The following PDE4D variants were observed in gnomAD, a reference collection of about 807,000 sequenced individuals.
PDE4D encodes the protein phosphodiesterase 4D.
Under a neutral mutation model 87.4 loss-of-function variants are expected in PDE4D, and 24 were observed. That is an observed-to-expected ratio of 0.27 (90% CI 0.20 to 0.39). The LOEUF (loss-of-function observed/expected upper bound fraction) is 0.39. Among genes scored for constraint, PDE4D ranks in the 10% least tolerant of loss-of-function variants. The probability of loss-of-function intolerance (pLI) is 1.00; values close to 1 mark genes in which losing one functional copy is unlikely to be tolerated. For missense variants in PDE4D, 714 were observed against 1,041.0 expected (o/e 0.69, Z 4.32); for synonymous variants, 384 against 383.2 (o/e 1.00, Z -0.02).
intron 1 of PDE4D, among the ~76,000 whole-genome samples, chr5:59,872,457 C>T (rs2152738571): frequency 6.6e-6 from 1 of 152,290 alleles, no homozygotes; most frequent in African/African-American, 2.4e-5. Flanking sequence ...TTTTTTCCAA[C>T]TTTTTATTGT....
chr5:59,549,220 T>C (rs1817733417), intron 1 of PDE4D, among the ~76,000 whole-genome samples: 1 of 152,190 alleles, frequency 6.6e-6, no homozygotes. Flanking sequence ...AAGCTACTTT[T>C]TCTACCATTG....
chr5:60,071,628 C>A (rs1009652595), intron 2 of PDE4D, among the ~76,000 whole-genome samples: 36 of 152,032 alleles, frequency 2.4e-4, no homozygotes, highest in Admixed American at 2.4e-3. Flanking sequence ...GATACATGTG[C>A]AAGTTTGTTA....
At chr5:60,066,524 A>G (rs1210382674) in intron 2 of PDE4D, among the ~76,000 whole-genome samples, 2 of 152,016 alleles carry the variant, frequency 1.3e-5, no homozygotes, top group East Asian at 3.9e-4. Flanking sequence ...GAATTACTTA[A>G]TTCAACTAAT....
chr5:59,073,279 C>T (rs998035258), intron 5 of PDE4D, among the ~76,000 whole-genome samples: 10 of 152,004 alleles, frequency 6.6e-5, no homozygotes, highest in Admixed American at 3.9e-4. Flanking sequence ...CTCACTTGAC[C>T]TGCTAAGCTG....
At chr5:59,464,058 G>T (rs954858610) in intron 1 of PDE4D, among the ~76,000 whole-genome samples, 1 of 152,204 alleles carries the variant, frequency 6.6e-6, no homozygotes, top group African/African-American at 2.4e-5. Context: ...CTAATCTCAA[G>T]TACCCAGGGA....
At chr5:59,517,590 T>C (rs1811401822) in intron 1 of PDE4D, among the ~76,000 whole-genome samples, 1 of 152,204 alleles carries the variant, frequency 6.6e-6, no homozygotes, top group Admixed American at 6.5e-5. Flanking sequence ...CTCAGACACT[T>C]ACTAGCTGTG....
chr5:59,586,191 A>C (rs754472398), intron 1 of PDE4D: 9 of 593,334 alleles, frequency 1.5e-5, no homozygotes, highest in Non-Finnish European at 2.6e-5. Context: ...TTCTCAGACA[A>C]TATTCGGTTT....
At chr5:60,306,684 A>T (rs1754527568) in intron 1 of PDE4D, among the ~76,000 whole-genome samples, 1 of 152,132 alleles carries the variant, frequency 6.6e-6, no homozygotes. Flanking sequence ...CAAGATTAAA[A>T]ATATACAAAA....
chr5:59,760,356 A>T (rs1761816499), intron 1 of PDE4D, among the ~76,000 whole-genome samples: 1 of 152,164 alleles, frequency 6.6e-6, no homozygotes, highest in Admixed American at 6.5e-5. Context: ...TAAAGAAATT[A>T]TTTTGTTGTT....
chr5:59,667,351 G>C (rs749711623), intron 1 of PDE4D, among the ~76,000 whole-genome samples: 1 of 151,870 alleles, frequency 6.6e-6, no homozygotes, highest in Non-Finnish European at 1.5e-5. Context: ...TCACTCTGTC[G>C]CTCAGGCTAG....
chr5:59,171,341 C>T (rs1329957800), intron 5 of PDE4D, among the ~76,000 whole-genome samples: 1 of 152,188 alleles, frequency 6.6e-6, no homozygotes, highest in African/African-American at 2.4e-5. Context: ...CTGTACAAGG[C>T]CTGTGACAGC....
At chr5:60,027,997 T>C (rs992195120) in intron 2 of PDE4D, among the ~76,000 whole-genome samples, 1 of 152,220 alleles carries the variant, frequency 6.6e-6, no homozygotes, top group African/African-American at 2.4e-5. Flanking sequence ...CATGTCCTCT[T>C]ATGGCCTCAA....
At chr5:59,327,531 A>T (rs1365972063) in intron 1 of PDE4D, among the ~76,000 whole-genome samples, 1 of 152,204 alleles carries the variant, frequency 6.6e-6, no homozygotes, top group Non-Finnish European at 1.5e-5. Context: ...GGCAGGCCCA[A>T]AAATGAAAAA....
At chr5:59,910,009 C>T (rs552208539) in intron 3 of PDE4D, among the ~76,000 whole-genome samples, 2 of 152,242 alleles carry the variant, frequency 1.3e-5, no homozygotes, top group South Asian at 2.1e-4. Context: ...GTGGAAAAAC[C>T]TCTACTTATT....
intron 6 of PDE4D, among the ~76,000 whole-genome samples, chr5:59,025,633 T>C (rs183288372): frequency 7.2e-5 from 11 of 152,344 alleles, no homozygotes; most frequent in Non-Finnish European, 8.8e-5. Flanking sequence ...TCAAAATACT[T>C]TGAAGGGTAT....
At chr5:59,274,962 C>T (rs1009227885) in intron 1 of PDE4D, among the ~76,000 whole-genome samples, 4 of 152,024 alleles carry the variant, frequency 2.6e-5, no homozygotes, top group Non-Finnish European at 5.9e-5. Context: ...GAGGGTATTG[C>T]TTTTAAAGAC....
At chr5:59,043,530 C>CA (rs76113504) in intron 5 of PDE4D, among the ~76,000 whole-genome samples, 30,474 of 151,646 alleles carry the variant, frequency 0.2, 4,073 homozygotes, top group East Asian at 0.71. Flanking sequence ...CTCAAAAAAA[C>CA]AAAAAAAATT....
chr5:59,793,761 A>G (rs1373832948), intron 1 of PDE4D, among the ~76,000 whole-genome samples: 1 of 152,234 alleles, frequency 6.6e-6, no homozygotes, highest in East Asian at 1.9e-4. Flanking sequence ...ACACCTGCCT[A>G]TTCAACATTT....
chr5:59,656,921 T>C (rs1256319515), intron 1 of PDE4D, among the ~76,000 whole-genome samples: 1 of 152,072 alleles, frequency 6.6e-6, no homozygotes. Flanking sequence ...AGTCTTTAAC[T>C]TTTTTTCTAA....
Sources: allele counts gnomAD v4.1 joint callset (sites outside exome capture counted in the v4.1 genomes callset), GRCh38; gene constraint gnomAD v4.1.1; transcripts MANE v1.5; gene names NCBI Gene and HGNC (gene_info 2026-07-23, HGNC 2026-07-21).